Variants in NFAT5 observed in about 807,000 individuals in gnomAD.
NFAT5 encodes nuclear factor of activated T-cells 5.
In NFAT5, 31 loss-of-function variants were observed where a neutral mutation model predicts 166.5. The ratio of observed to expected loss-of-function variants is 0.19; its 90% CI spans 0.14 to 0.25. NFAT5 has a LOEUF of 0.25. NFAT5 is among the 10% of genes least tolerant of loss of function. The probability of loss-of-function intolerance (pLI) is 1.00; values close to 1 mark genes in which losing one functional copy is unlikely to be tolerated. For missense variants in NFAT5, 1,449 were observed against 1,821.8 expected, an observed-to-expected ratio of 0.80 and a Z score of 3.72; for synonymous variants, 612 against 639.7, an observed-to-expected ratio of 0.96 and a Z score of 0.65.
intron 7 of NFAT5, among the ~76,000 whole-genome samples, chr16:69,668,155 A>T (rs1247931857): frequency 6.6e-6 from 1 of 152,004 alleles, no homozygotes; most frequent in Admixed American, 6.6e-5. Context: ...TTTAGTAAAG[A>T]TGGGGTTTCA....
intron 2 of NFAT5, among the ~76,000 whole-genome samples, chr16:69,573,199 A>AT (rs749686325): frequency 1.5e-4 from 23 of 152,352 alleles, no homozygotes; most frequent in Non-Finnish European, 2.8e-4. Flanking sequence ...GAAAATGTGA[A>AT]ATATGACAAT....
At chr16:69,572,444 TA>T (rs11353200) in intron 2 of NFAT5, among the ~76,000 whole-genome samples, 39,297 of 152,120 alleles carry the variant, frequency 0.26, 5,516 homozygotes, top group East Asian at 0.45. Context: ...ATGGTTTATA[TA>T]TTTTTTTTAA....
Position 69,693,253 on chromosome 16 carries a change from T to C in NFAT5, c.3428T>C (p.Val1143Ala), listed in dbSNP as rs1336997278. The change falls in exon 13 of 15, where the codon GTG becomes GCG. Residue 1143 changes from valine (V) to alanine (A), a missense_variant. Val to Ala is a moderately conservative substitution (Grantham distance 64). Transcript: ENST00000349945. Reference protein sequence around the residue: ...PMFHSQSTIAVLQGSSVPQDQ... With the variant: ...PMFHSQSTIAALQGSSVPQDQ... ...TTTCACTCTCAAAGTACCATTGCTG[T>C]GTTACAGGGCTCTTCAGTTCCTCAA... is the stretch of plus-strand genomic sequence containing the variant. 1 of 1,614,234 alleles carries C rather than the reference T, an allele frequency of 6.2e-7. No individual in the cohort carries two copies. The highest frequency in any genetic ancestry group is 2.2e-5 in the East Asian group (1 of 44,894).
rs2037856395 is a variant in NFAT5 at position 69,699,426 on chromosome 16, C to T, written c.*3075C>T. 6.6e-6 allele frequency: 1 copy of T among 152,594 alleles called. No homozygotes were observed. The highest frequency in any genetic ancestry group is 2.1e-4 in the South Asian group (1 of 4,826). 9.5% of individuals were successfully genotyped at this position (152,594 alleles called of 1,614,324 possible). A position where few individuals can be genotyped will look rare whatever the true frequency, so the allele number is the denominator to read the frequency against. Reference sequence around the variant, plus strand: ...CTCATAAATTTTGTGGTTATTTATACAAGGGCTGTGCTATGCTACCATATT... The same window carrying T: ...CTCATAAATTTTGTGGTTATTTATATAAGGGCTGTGCTATGCTACCATATT... On this transcript the variant is annotated 3_prime_UTR_variant, in exon 15 of 15. Coordinates refer to ENST00000349945, the MANE Select transcript of NFAT5 (RefSeq NM_138713.4).
intron 10 of NFAT5, among the ~76,000 whole-genome samples, chr16:69,678,872 C>G (rs1024943804): frequency 6.6e-6 from 1 of 152,230 alleles, no homozygotes; most frequent in Admixed American, 6.5e-5. Context: ...GTAGCTAGGA[C>G]AGAATAACAA....
At chr16:69,667,133 G>A (rs1293472593) in intron 7 of NFAT5, among the ~76,000 whole-genome samples, 4 of 141,910 alleles carry the variant, frequency 2.8e-5, no homozygotes, top group Non-Finnish European at 6.0e-5. Context: ...GAGAACACAT[G>A]GACACAGGAA....
chr16:69,661,128 C>T (rs1051422149), intron 7 of NFAT5, among the ~76,000 whole-genome samples: 4 of 147,066 alleles, frequency 2.7e-5, no homozygotes, highest in African/African-American at 1.0e-4. Context: ...CCTGTAATAC[C>T]AGCACTTTGA....
Position 69,691,096 on chromosome 16 carries a change from G to C in NFAT5, c.1923+8G>C. 1 of 1,560,094 alleles carries C rather than the reference G, an allele frequency of 6.4e-7. No individual in the cohort carries two copies. Among genetic ancestry groups the C allele is most frequent in the African/African-American group, 1.4e-5 (1 of 72,978 alleles). On this transcript the variant is annotated splice_region_variant and intron_variant, in intron 12 of 14. Coordinates refer to ENST00000349945, the MANE Select transcript of NFAT5 (RefSeq NM_138713.4). ...TCTTCCACTATTTTTAAGGTAAGCT[G>C]TATTGACTAGTGCACAAACCTCCTA...
intron 9 of NFAT5, among the ~76,000 whole-genome samples, chr16:69,672,243 CT>C (rs1266851900): frequency 6.6e-6 from 1 of 152,212 alleles, no homozygotes; most frequent in East Asian, 1.9e-4. Context: ...ACAAACATTC[CT>C]TTGTCACACA....
At chr16:69,598,469 C>T (rs2151536700) in intron 2 of NFAT5, among the ~76,000 whole-genome samples, 1 of 149,460 alleles carries the variant, frequency 6.7e-6, no homozygotes, top group South Asian at 2.1e-4. Context: ...TATAAAAAGA[C>T]TCACCATTGT....
chr16:69,659,165 G>A (rs144659292), intron 6 of NFAT5, among the ~76,000 whole-genome samples: 1,743 of 151,534 alleles, frequency 0.012, 26 homozygotes, highest in African/African-American at 0.037. Flanking sequence ...TCTCTGGCCA[G>A]GTATGGTTGC....
chr16:69,606,164 C>G (rs988016477), intron 2 of NFAT5, among the ~76,000 whole-genome samples: 4 of 152,190 alleles, frequency 2.6e-5, no homozygotes, highest in Admixed American at 6.5e-5. Context: ...TGGGACCACT[C>G]ACTGTTCTCG....
intron 5 of NFAT5, 133 bp from the exon 6 acceptor site, chr16:69,655,476 T>G (rs1224373045): frequency 1.6e-6 from 1 of 634,234 alleles, no homozygotes; most frequent in African/African-American, 1.9e-5. Flanking sequence ...TTATCTCTAT[T>G]TTTCTTGAAG....
chr16:69,629,156 G>A (rs933223338), intron 3 of NFAT5, among the ~76,000 whole-genome samples: 2 of 152,146 alleles, frequency 1.3e-5, no homozygotes, highest in African/African-American at 4.8e-5. Flanking sequence ...TGAAGGAGCC[G>A]GATTGGCTGC....
chr16:69,677,883 T>A (rs2036894020), intron 10 of NFAT5, among the ~76,000 whole-genome samples: 1 of 152,054 alleles, frequency 6.6e-6, no homozygotes, highest in African/African-American at 2.4e-5. Flanking sequence ...CTGGGTGCGG[T>A]GATGCACACC....
intron 2 of NFAT5, among the ~76,000 whole-genome samples, chr16:69,597,480 G>A (rs2032863389): frequency 1.3e-5 from 2 of 152,068 alleles, no homozygotes; most frequent in African/African-American, 4.8e-5. Context: ...CTGGAGATCA[G>A]TTTTGGCTAT....
intron 2 of NFAT5, among the ~76,000 whole-genome samples, chr16:69,620,114 A>G (rs1201458471): frequency 6.6e-6 from 1 of 152,202 alleles, no homozygotes; most frequent in East Asian, 1.9e-4. Context: ...GCATTAATTT[A>G]TTTTCAATAT....
intron 3 of NFAT5, among the ~76,000 whole-genome samples, chr16:69,637,515 C>G (rs886638267): frequency 6.6e-6 from 1 of 152,138 alleles, no homozygotes; most frequent in Non-Finnish European, 1.5e-5. Flanking sequence ...GGGGAGGCCT[C>G]AGAATCATGG....
In NFAT5 at chr16:69,702,892, C is replaced by T. The variant is rs1205896715; in HGVS notation, c.*6541C>T. 1 of 152,614 alleles carries T rather than the reference C, an allele frequency of 6.6e-6. No individual in the cohort carries two copies. The highest frequency in any genetic ancestry group is 1.5e-5 in the Non-Finnish European group (1 of 68,038). The allele number at this position is 152,614 out of a possible 1,614,324, so 9.5% of individuals were successfully genotyped here. On this transcript the variant is annotated 3_prime_UTR_variant, in exon 15 of 15. Coordinates refer to ENST00000349945, the MANE Select transcript of NFAT5 (RefSeq NM_138713.4). ...TATTTTATGTACATACACAATTAGTCTAATTCTTGATAATTCAGTTAATTT... is the reference window on the plus strand; with the variant it reads ...TATTTTATGTACATACACAATTAGTTTAATTCTTGATAATTCAGTTAATTT...
Sources: gnomAD v4.1 joint callset for allele counts (sites outside exome capture counted in the v4.1 genomes callset) on GRCh38, gnomAD v4.1.1 for gene constraint, MANE v1.5 for transcripts, NCBI Gene and HGNC (gene_info 2026-07-23, HGNC 2026-07-21) for gene names.